Variants in ADARB2 observed in about 807,000 individuals in gnomAD.
ADARB2 encodes the protein inactive double-stranded RNA-specific editase B2.
A neutral mutation model predicts 62.2 loss-of-function variants in ADARB2; 25 were observed. That is an observed-to-expected ratio of 0.40 (90% CI 0.29 to 0.56). The LOEUF is 0.56. Among genes scored for constraint, ADARB2 ranks in the 20% least tolerant of loss-of-function variants. The pLI is 0.43. For missense variants in ADARB2, 1,071 were observed against 1,077.4 expected (o/e 0.99, Z 0.08); for synonymous variants, 572 against 500.8 (o/e 1.14, Z -1.90).
At chr10:1,368,112 G>T (rs965992009) in intron 2 of ADARB2, among the ~76,000 whole-genome samples, 2 of 151,962 alleles carry the variant, frequency 1.3e-5, no homozygotes, top group Non-Finnish European at 2.9e-5. Flanking sequence ...ACAGCCCAGC[G>T]GTGGCCTCTG....
chr10:1,401,125 C>G (rs1011756625), intron 1 of ADARB2, among the ~76,000 whole-genome samples: 2 of 152,096 alleles, frequency 1.3e-5, no homozygotes, highest in Non-Finnish European at 2.9e-5. Flanking sequence ...TTGTGTGTCC[C>G]GGCAGCCACA....
At chr10:1,677,294 T>C (rs1438767909) in intron 1 of ADARB2, among the ~76,000 whole-genome samples, 1 of 152,216 alleles carries the variant, frequency 6.6e-6, no homozygotes, top group Non-Finnish European at 1.5e-5. Context: ...GACCACTCTA[T>C]GCTTCAGCAG....
At chr10:1,525,771 G>A (rs1832132361) in intron 1 of ADARB2, among the ~76,000 whole-genome samples, 1 of 152,106 alleles carries the variant, frequency 6.6e-6, no homozygotes, top group Non-Finnish European at 1.5e-5. Context: ...GTATGCTCAT[G>A]TGCTTGTGTG....
At chr10:1,466,586 C>A (rs1042952005) in intron 1 of ADARB2, among the ~76,000 whole-genome samples, 6 of 152,156 alleles carry the variant, frequency 3.9e-5, no homozygotes, top group Admixed American at 1.3e-4. Context: ...AGGGTGGATT[C>A]AGGCCCGCCT....
intron 1 of ADARB2, among the ~76,000 whole-genome samples, chr10:1,498,902 C>T (rs1286187952): frequency 6.6e-6 from 1 of 152,102 alleles, no homozygotes; most frequent in Non-Finnish European, 1.5e-5. Flanking sequence ...ACTCAACACT[C>T]ACTCATCACT....
chr10:1,207,278 A>C (rs1055540951), intron 7 of ADARB2, among the ~76,000 whole-genome samples: 3 of 152,202 alleles, frequency 2.0e-5, no homozygotes, highest in Non-Finnish European at 1.5e-5. Context: ...CCTGGGAGGC[A>C]GAGGCTGCAG....
At chr10:1,511,867 G>C (rs1022891212) in intron 1 of ADARB2, among the ~76,000 whole-genome samples, 3 of 151,662 alleles carry the variant, frequency 2.0e-5, no homozygotes, top group Non-Finnish European at 2.9e-5. Context: ...TAGATACCAA[G>C]ACTTTGATAC....
At chr10:1,496,408 C>T (rs553678536) in intron 1 of ADARB2, among the ~76,000 whole-genome samples, 1 of 152,032 alleles carries the variant, frequency 6.6e-6, no homozygotes, top group Non-Finnish European at 1.5e-5. Context: ...CCAACATTAT[C>T]ATCCTATCTT....
intron 1 of ADARB2, among the ~76,000 whole-genome samples, chr10:1,594,002 G>A (rs993593926): frequency 5.9e-5 from 9 of 152,176 alleles, no homozygotes; most frequent in African/African-American, 1.9e-4. Context: ...TTAAAAACAA[G>A]TCTGTGAGGC....
intron 7 of ADARB2, among the ~76,000 whole-genome samples, chr10:1,208,732 C>T (rs529823346): frequency 6.6e-6 from 1 of 152,332 alleles, no homozygotes; most frequent in Non-Finnish European, 1.5e-5. Flanking sequence ...TCAAGTCAGT[C>T]GTGTTTGCTG....
At chr10:1,610,810 A>G (rs1015996444) in intron 1 of ADARB2, among the ~76,000 whole-genome samples, 7 of 145,020 alleles carry the variant, frequency 4.8e-5, no homozygotes, top group African/African-American at 1.8e-4. Flanking sequence ...GCACACATAC[A>G]GACACATACA....
At chr10:1,595,931 C>T (rs1042311219) in intron 1 of ADARB2, among the ~76,000 whole-genome samples, 4 of 152,336 alleles carry the variant, frequency 2.6e-5, no homozygotes, top group South Asian at 2.1e-4. Flanking sequence ...CCGCTGGCCT[C>T]GCTCATGCCT....
At chr10:1,302,857 C>T (rs1399685332) in intron 3 of ADARB2, among the ~76,000 whole-genome samples, 6 of 151,936 alleles carry the variant, frequency 3.9e-5, no homozygotes, top group Non-Finnish European at 7.4e-5. Context: ...GAAAGGACAT[C>T]CACACCAAAA....
intron 1 of ADARB2, among the ~76,000 whole-genome samples, chr10:1,663,024 C>T (rs1458323457): frequency 6.6e-6 from 1 of 152,200 alleles, no homozygotes; most frequent in Non-Finnish European, 1.5e-5. Context: ...AAATTTAAGT[C>T]CAGTGGATGT....
chr10:1,347,573 A>G (rs1284507208), intron 3 of ADARB2, among the ~76,000 whole-genome samples: 1 of 152,156 alleles, frequency 6.6e-6, no homozygotes, highest in African/African-American at 2.4e-5. Flanking sequence ...CCTGCCCAGG[A>G]GACCACTGAA....
intron 1 of ADARB2, among the ~76,000 whole-genome samples, chr10:1,603,715 T>C: frequency 6.6e-6 from 1 of 152,144 alleles, no homozygotes; most frequent in East Asian, 1.9e-4. Context: ...TTTACCATTT[T>C]CAAATTTTAT....
At chr10:1,197,795 A>G (rs186086410) in intron 8 of ADARB2, among the ~76,000 whole-genome samples, 9 of 152,292 alleles carry the variant, frequency 5.9e-5, no homozygotes, top group Admixed American at 2.6e-4. Flanking sequence ...TCCTACCCAG[A>G]TTTCTTTTTT....
At chr10:1,469,770 T>G (rs1218498772) in intron 1 of ADARB2, among the ~76,000 whole-genome samples, 1 of 152,196 alleles carries the variant, frequency 6.6e-6, no homozygotes, top group Admixed American at 6.5e-5. Flanking sequence ...TAAAGTGCTA[T>G]GAAAATCCAC....
At chr10:1,716,086 G>A (rs148026154) in intron 1 of ADARB2, among the ~76,000 whole-genome samples, 2 of 152,004 alleles carry the variant, frequency 1.3e-5, no homozygotes, top group African/African-American at 2.4e-5. Context: ...CTCCTCTCCC[G>A]ATTGCTAACT....
Sources: gnomAD v4.1 joint callset for allele counts (sites outside exome capture counted in the v4.1 genomes callset) on GRCh38, gnomAD v4.1.1 for gene constraint, MANE v1.5 for transcripts, NCBI Gene and HGNC (gene_info 2026-07-23, HGNC 2026-07-21) for gene names.